SDE2: variants seen among roughly 807,000 people sequenced by gnomAD.
SDE2 encodes spliceosome associated SDE2.
SDE2 carries 31 observed loss-of-function variants against 46.9 expected under a neutral mutation model. The ratio of observed to expected loss-of-function variants is 0.66; its 90% CI spans 0.50 to 0.89. SDE2 has a LOEUF of 0.89. SDE2 is among the 40% of genes least tolerant of loss of function. The pLI is 0.00. For synonymous variants in SDE2, 205 were observed against 204.3 expected (o/e 1.00, Z -0.03); for missense variants, 542 against 564.4 (o/e 0.96, Z 0.40).
chr1:225,985,883 T>TC (rs1445844071), intron 6 of SDE2, among the ~76,000 whole-genome samples: 1 of 152,184 alleles, frequency 6.6e-6, no homozygotes, highest in African/African-American at 2.4e-5. Context: ...CCTAAAAGCT[T>TC]AATGAGAATC....
intron 1 of SDE2, among the ~76,000 whole-genome samples, 159 bp downstream of exon 1, chr1:225,999,034 G>C (rs1352157638): frequency 6.6e-6 from 1 of 152,166 alleles, no homozygotes; most frequent in Non-Finnish European, 1.5e-5. Context: ...GAAGGTCTCA[G>C]TAACAATTCG....
Position 225,990,879 on chromosome 1 carries a change from A to C in SDE2, c.641+364T>G, listed in dbSNP as rs983063483. ...GAAGAGAAGTCTGGCAAAGTGACCA[A>C]AGACCTCAATGATGACTGTGAAAAA... On this transcript the variant is annotated intron_variant, in intron 5 of 6. Coordinates refer to ENST00000272091, the MANE Select transcript of SDE2 (RefSeq NM_152608.4). Among the ~76,000 whole-genome samples the C allele has an allele frequency of 3.7e-5, 5 of 136,654 alleles. No individual in the cohort carries two copies. The East Asian group carries it at 1.1e-3, about 31-fold the overall frequency. The allele number at this position is 136,654 out of a possible 152,430, so 89.7% of individuals were successfully genotyped here.
At chr1:225,998,800 G>A (rs1386611386) in intron 1 of SDE2, among the ~76,000 whole-genome samples, 1 of 152,134 alleles carries the variant, frequency 6.6e-6, no homozygotes, top group Admixed American at 6.6e-5. Flanking sequence ...GGCTAACAAG[G>A]CTGTGTGATG....
In SDE2 at chr1:225,993,106, A is replaced by T; in HGVS notation, c.239-104T>A. 19 of 387,804 alleles carry T rather than the reference A, an allele frequency of 4.9e-5. No homozygotes were observed. In the Middle Eastern group the frequency reaches 2.0e-3, roughly 40 times the overall value. 24.0% of individuals were successfully genotyped at this position (387,804 alleles called of 1,614,324 possible). ...TATCACAAGATTAACAATGATCTCT[A>T]CTTTCTTTCTTTTTTTTTTTTTTTA... On this transcript the variant is annotated intron_variant, in intron 2 of 6. Coordinates refer to ENST00000272091, the MANE Select transcript of SDE2 (RefSeq NM_152608.4).
chr1:225,987,750 G>A, intron 6 of SDE2, 146 bp downstream of exon 6: 1 of 800,006 alleles, frequency 1.2e-6, no homozygotes, highest in Non-Finnish European at 2.0e-6. Context: ...GGGGAATAAG[G>A]CAAGCTTCAC....
At chr1:225,992,644 G>A (rs974372527) in intron 3 of SDE2, 77 bp from the exon 4 acceptor site, 12 of 955,582 alleles carry the variant, frequency 1.3e-5, no homozygotes, top group African/African-American at 9.9e-5. Context: ...TGTCTCTGAC[G>A]AATTAATGCA....
In SDE2 at chr1:225,993,485, G is replaced by A. The variant is rs138120316; in HGVS notation, c.239-483C>T. On this transcript the variant is annotated intron_variant, in intron 2 of 6. Coordinates refer to ENST00000272091, the MANE Select transcript of SDE2 (RefSeq NM_152608.4). ...AAATTAGCCAGGCGTGGTGGCGGGC[G>A]CCTGTAGTCCCAGCTACTCAGGAGG... Among the ~76,000 whole-genome samples, 1,181 of 152,090 alleles carry A rather than the reference G, an allele frequency of 7.8e-3. 6 individuals are homozygous for A. The highest frequency in any genetic ancestry group is 0.013 in the Non-Finnish European group (861 of 67,992).
Position 225,993,391 on chromosome 1 carries a change from C to T in SDE2, c.239-389G>A, listed in dbSNP as rs773552359. ...CTTTGGGAGGCTGAGGCGGGCAGAT[C>T]ATGAGGTCAGGAGATCAAGACCATC... On this transcript the variant is annotated intron_variant, in intron 2 of 6. Coordinates refer to ENST00000272091, the MANE Select transcript of SDE2 (RefSeq NM_152608.4). Among the ~76,000 whole-genome samples, 4 of 152,240 alleles carry T rather than the reference C, an allele frequency of 2.6e-5. No homozygotes were observed. In the East Asian group the frequency reaches 7.7e-4, roughly 29 times the overall value.
At position 225,991,306 on chromosome 1, in the gene SDE2, C is replaced by A; in HGVS notation, c.578G>T (p.Arg193Leu). 2 of 1,613,786 alleles carry A rather than the reference C, an allele frequency of 1.2e-6. No individual in the cohort carries two copies. Among genetic ancestry groups the A allele is most frequent in the Non-Finnish European group, 1.7e-6 (2 of 1,179,702 alleles). Residue 193 changes from arginine to leucine, a missense_variant, in exon 5 of 7, where the codon CGG becomes CTG. Physicochemically the swap from Arg to Leu is moderately radical, Grantham distance 102. Coordinates refer to ENST00000272091, the MANE Select transcript of SDE2 (RefSeq NM_152608.4). ...VSAEISENRK[R>L]QWPTKSQTDR... is the part of the protein sequence containing the mutation. Reference sequence around the variant, plus strand: ...TGTTTGAGATTTAGTAGGCCATTGCCGTTTCCGATTCTCACTGATTTCTGC... The same window carrying A: ...TGTTTGAGATTTAGTAGGCCATTGCAGTTTCCGATTCTCACTGATTTCTGC...
intron 1 of SDE2, among the ~76,000 whole-genome samples, chr1:225,996,433 T>C (rs1256205894): frequency 6.6e-6 from 1 of 152,194 alleles, no homozygotes; most frequent in African/African-American, 2.4e-5. Flanking sequence ...GTATACTTCA[T>C]TTCCAAACAG....
chr1:225,983,168 A>C lies in SDE2; in HGVS notation c.*2134T>G, dbSNP rs1656191068. 6.6e-6 allele frequency: 1 copy of C among 152,232 alleles called. No individual in the cohort carries two copies. The highest frequency in any genetic ancestry group is 2.4e-5 in the African/African-American group (1 of 41,472). 9.4% of individuals were successfully genotyped at this position (152,232 alleles called of 1,614,324 possible). A position where few individuals can be genotyped will look rare whatever the true frequency, so the allele number is the denominator to read the frequency against. ...ATATGTTGTTTAAAGAAACTACTTT[A>C]AATAGGCACAGAAGCACAAAGTAAA... On this transcript the variant is annotated 3_prime_UTR_variant, in exon 7 of 7. Transcript: ENST00000272091.
intron 6 of SDE2, among the ~76,000 whole-genome samples, chr1:225,987,633 G>A (rs1656296049): frequency 1.3e-5 from 2 of 152,070 alleles, no homozygotes; most frequent in African/African-American, 4.8e-5. Flanking sequence ...TCTCATTTTA[G>A]ACATGCTAAA....
intron 1 of SDE2, among the ~76,000 whole-genome samples, chr1:225,996,322 T>G (rs1252144129): frequency 1.3e-5 from 2 of 152,212 alleles, no homozygotes; most frequent in Non-Finnish European, 2.9e-5. Context: ...GTTTAATGTT[T>G]ACACATTAGA....
chr1:225,987,361 C>G (rs79700223), intron 6 of SDE2, among the ~76,000 whole-genome samples: 2,195 of 152,150 alleles, frequency 0.014, 84 homozygotes, highest in East Asian at 0.12. Context: ...CTGAAGATGC[C>G]TTTTTTAAAA....
Position 225,995,252 on chromosome 1 carries a change from T to C in SDE2, c.238+14A>G, listed in dbSNP as rs1460136547. The C allele has an allele frequency of 1.6e-6, 2 of 1,288,470 alleles. No homozygotes were observed. The highest frequency in any genetic ancestry group is 1.8e-4 in the Middle Eastern group (1 of 5,440). The allele number at this position is 1,288,470 out of a possible 1,614,324, so 79.8% of individuals were successfully genotyped here. ...AAATGTGTTACAACTAAGTAGTCAA[T>C]GTTCAGGTCCTACCTCCTTTTCCAC... On this transcript the variant is annotated intron_variant, in intron 2 of 6. Coordinates refer to ENST00000272091, the MANE Select transcript of SDE2 (RefSeq NM_152608.4).
chr1:225,987,879 C>A lies in SDE2; in HGVS notation c.1134+17G>T, dbSNP rs1656300514. On this transcript the variant is annotated intron_variant, in intron 6 of 6. Coordinates refer to ENST00000272091, the MANE Select transcript of SDE2 (RefSeq NM_152608.4). ...AAACTGATTTGGCTCTAGGTATCAA[C>A]CCCAAAACATACTTACTGCGTTTCC... 3 of 1,600,886 alleles carry A rather than the reference C, an allele frequency of 1.9e-6. No homozygotes were observed. The highest frequency in any genetic ancestry group is 2.2e-5 in the East Asian group (1 of 44,842).
intron 4 of SDE2, 67 bp downstream of exon 4, chr1:225,992,331 G>T: frequency 8.6e-7 from 1 of 1,166,856 alleles, no homozygotes. Context: ...TGTGCGTAGT[G>T]TAGAGCAGTC....
intron 4 of SDE2, 139 bp downstream of exon 4, chr1:225,992,259 G>T (rs1656419083): frequency 3.5e-6 from 2 of 575,656 alleles, no homozygotes; most frequent in South Asian, 2.6e-5. Context: ...GGATAAAAGT[G>T]CCAAGGTTTT....
In SDE2 at chr1:225,992,888, T is replaced by C. The variant is rs1227250753; in HGVS notation, c.350+3A>G. 7 of 1,576,464 alleles carry C rather than the reference T, an allele frequency of 4.4e-6. No homozygotes were observed. The African/African-American group carries it at 5.4e-5, about 12-fold the overall frequency. ...AAAACACAAAAAAAGGTGGGCATCT[T>C]ACGCTTTTTCATGATTGACATCGCG... On this transcript the variant is annotated splice_donor_region_variant and intron_variant, in intron 3 of 6. Transcript: ENST00000272091.
Sources: allele counts gnomAD v4.1 joint callset (sites outside exome capture counted in the v4.1 genomes callset), GRCh38; gene constraint gnomAD v4.1.1; transcripts MANE v1.5; gene names NCBI Gene and HGNC (gene_info 2026-07-23, HGNC 2026-07-21).